Variants in SPAG16 observed in about 807,000 individuals in gnomAD.
SPAG16 encodes sperm associated antigen 16.
A neutral mutation model predicts 80.4 loss-of-function variants in SPAG16; 86 were observed. The ratio of observed to expected loss-of-function variants is 1.07; its 90% CI spans 0.90 to 1.28. SPAG16 has a LOEUF of 1.28. Ranked by LOEUF, SPAG16 falls within the 50% of genes most tolerant of loss-of-function variation. SPAG16 has a pLI of 0.00. For missense variants in SPAG16, 870 were observed against 765.3 expected (o/e 1.14, Z -1.61); for synonymous variants, 294 against 265.9 (o/e 1.11, Z -1.03).
chr2:213,412,627 T>A (rs1042011037), intron 9 of SPAG16, among the ~76,000 whole-genome samples: 2 of 142,078 alleles, frequency 1.4e-5, no homozygotes, highest in African/African-American at 5.7e-5. Context: ...TTTGTTTATT[T>A]TTTTTTGTTT....
chr2:213,582,798 T>G (rs527789839), intron 10 of SPAG16, among the ~76,000 whole-genome samples: 1 of 152,284 alleles, frequency 6.6e-6, no homozygotes, highest in South Asian at 2.1e-4. Flanking sequence ...GAGAATGCTA[T>G]TCTGCAATAA....
chr2:213,932,199 T>TTTG (rs1201922748), intron 12 of SPAG16, among the ~76,000 whole-genome samples: 26 of 136,986 alleles, frequency 1.9e-4, no homozygotes, highest in African/African-American at 6.0e-4. Flanking sequence ...TATATATATA[T>TTTG]TTGTTGTTGT....
intron 11 of SPAG16, among the ~76,000 whole-genome samples, chr2:213,879,899 G>T (rs1381357680): frequency 6.6e-6 from 1 of 152,118 alleles, no homozygotes; most frequent in Non-Finnish European, 1.5e-5. Flanking sequence ...GGGCATCTAG[G>T]TTGATTCCTT....
intron 10 of SPAG16, among the ~76,000 whole-genome samples, chr2:213,694,105 A>G (rs190497332): frequency 3.9e-5 from 6 of 152,138 alleles, no homozygotes; most frequent in African/African-American, 7.2e-5. Flanking sequence ...ATGGACTCTC[A>G]TGTAGATTGA....
At chr2:213,798,180 C>A (rs1391627129) in intron 10 of SPAG16, among the ~76,000 whole-genome samples, 1 of 152,142 alleles carries the variant, frequency 6.6e-6, no homozygotes, top group Non-Finnish European at 1.5e-5. Flanking sequence ...TGTAAGCGTT[C>A]TTTATATATT....
intron 10 of SPAG16, among the ~76,000 whole-genome samples, chr2:213,554,965 A>G (rs778287646): frequency 6.6e-6 from 1 of 152,094 alleles, no homozygotes; most frequent in Non-Finnish European, 1.5e-5. Context: ...AAACCCGAGA[A>G]AGATAAAAAT....
At chr2:214,136,888 A>G (rs1203858370) in intron 14 of SPAG16, among the ~76,000 whole-genome samples, 3 of 152,194 alleles carry the variant, frequency 2.0e-5, no homozygotes, top group Non-Finnish European at 2.9e-5. Flanking sequence ...TATTATAGTT[A>G]TACCTTAATA....
intron 15 of SPAG16, among the ~76,000 whole-genome samples, chr2:214,363,233 G>A (rs1264830680): frequency 1.3e-5 from 2 of 151,730 alleles, no homozygotes; most frequent in Non-Finnish European, 2.9e-5. Context: ...CTGTACTTCT[G>A]CAATTCTCAT....
chr2:213,404,546 A>C (rs10174712), intron 9 of SPAG16, among the ~76,000 whole-genome samples: 33,612 of 151,798 alleles, frequency 0.22, 4,549 homozygotes, highest in Non-Finnish European at 0.31. Context: ...ACACCTTATA[A>C]AAAAATTAAT....
chr2:214,208,794 C>T (rs987591015), intron 15 of SPAG16, among the ~76,000 whole-genome samples: 3 of 152,058 alleles, frequency 2.0e-5, no homozygotes, highest in African/African-American at 7.2e-5. Flanking sequence ...ATAACATAGA[C>T]AGGGCACTTA....
intron 10 of SPAG16, among the ~76,000 whole-genome samples, chr2:213,839,274 G>T (rs1337255990): frequency 2.0e-5 from 3 of 152,128 alleles, no homozygotes; most frequent in South Asian, 2.1e-4. Flanking sequence ...ATTATTAGTT[G>T]AATCTTTTGC....
intron 11 of SPAG16, among the ~76,000 whole-genome samples, chr2:213,876,464 G>T (rs1245678941): frequency 6.6e-6 from 1 of 152,028 alleles, no homozygotes; most frequent in Non-Finnish European, 1.5e-5. Flanking sequence ...TCAATAAAAA[G>T]AGCCTCCTTG....
At chr2:213,453,905 T>C (rs1375313319) in intron 9 of SPAG16, among the ~76,000 whole-genome samples, 1 of 152,218 alleles carries the variant, frequency 6.6e-6, no homozygotes, top group African/African-American at 2.4e-5. Context: ...GATTCAATAT[T>C]AAAAAGCAAA....
chr2:214,146,024 A>C (rs1388937065), intron 14 of SPAG16, among the ~76,000 whole-genome samples: 1 of 152,156 alleles, frequency 6.6e-6, no homozygotes, highest in Non-Finnish European at 1.5e-5. Flanking sequence ...ACCAATGATA[A>C]CCAGAATTGC....
intron 13 of SPAG16, among the ~76,000 whole-genome samples, chr2:214,028,905 G>A (rs1326715051): frequency 6.6e-6 from 1 of 151,988 alleles, no homozygotes; most frequent in Non-Finnish European, 1.5e-5. Context: ...AGTACTGAAT[G>A]CCTAACGTGT....
chr2:213,337,589 A>G (rs1190150762), intron 5 of SPAG16, among the ~76,000 whole-genome samples: 4 of 152,224 alleles, frequency 2.6e-5, no homozygotes, highest in Non-Finnish European at 1.5e-5. Context: ...ACAAGCATCA[A>G]TAGCCAAAGA....
intron 10 of SPAG16, among the ~76,000 whole-genome samples, chr2:213,823,334 G>A (rs531351081): frequency 6.6e-5 from 10 of 152,070 alleles, no homozygotes; most frequent in African/African-American, 2.4e-4. Context: ...GTGATGTTGA[G>A]TTTTTTGTTT....
chr2:213,948,091 A>T (rs1362214527), intron 12 of SPAG16, among the ~76,000 whole-genome samples: 5 of 152,072 alleles, frequency 3.3e-5, no homozygotes, highest in Non-Finnish European at 4.4e-5. Flanking sequence ...TACTCATGCT[A>T]ACTTCTCAGA....
At chr2:213,591,614 A>G (rs1053291702) in intron 10 of SPAG16, among the ~76,000 whole-genome samples, 2 of 152,246 alleles carry the variant, frequency 1.3e-5, no homozygotes, top group Admixed American at 1.3e-4. Context: ...CATGATAGGT[A>G]TAGAAACCAC....
Sources: allele counts gnomAD v4.1 joint callset (sites outside exome capture counted in the v4.1 genomes callset), GRCh38; gene constraint gnomAD v4.1.1; transcripts MANE v1.5; gene names NCBI Gene and HGNC (gene_info 2026-07-23, HGNC 2026-07-21).